The following SH3D19 variants were observed in gnomAD, a reference collection of about 807,000 sequenced individuals.
The protein encoded by SH3D19 is SH3 domain containing 19.
Under a neutral mutation model 112.1 loss-of-function variants are expected in SH3D19, and 58 were observed. The observed-to-expected ratio is 0.52, with a 90% CI of 0.42 to 0.64. The LOEUF (loss-of-function observed/expected upper bound fraction) is 0.64, where lower values mean the gene tolerates loss of function less well. SH3D19 is among the 30% of genes least tolerant of loss of function. The pLI is 0.00. For synonymous variants in SH3D19, 391 were observed against 448.5 expected, an observed-to-expected ratio of 0.87 and a Z score of 1.62; for missense variants, 1,090 against 1,263.4, an observed-to-expected ratio of 0.86 and a Z score of 2.08.
At chr4:151,181,511 G>T (rs1280770575) in intron 3 of SH3D19, among the ~76,000 whole-genome samples, 1 of 152,118 alleles carries the variant, frequency 6.6e-6, no homozygotes, top group Non-Finnish European at 1.5e-5. Flanking sequence ...TTTATCAAGA[G>T]CTAAACCAAG....
At chr4:151,314,456 T>A (rs911940660) in intron 1 of SH3D19, among the ~76,000 whole-genome samples, 1 of 152,186 alleles carries the variant, frequency 6.6e-6, no homozygotes, top group African/African-American at 2.4e-5. Context: ...ATAATTCCTA[T>A]TCCAAAGATG....
intron 10 of SH3D19, 128 bp downstream of exon 10, chr4:151,149,372 G>A (rs1754517060): frequency 3.0e-6 from 2 of 676,400 alleles, no homozygotes; most frequent in Admixed American, 2.9e-5. Flanking sequence ...AGGGGCCTGC[G>A]TGAAATCGGT....
At chr4:151,202,270 G>T (rs1417892160) in intron 2 of SH3D19, among the ~76,000 whole-genome samples, 1 of 152,206 alleles carries the variant, frequency 6.6e-6, no homozygotes, top group African/African-American at 2.4e-5. Flanking sequence ...AGGAGGCGGA[G>T]GTTGCTGTGA....
intron 1 of SH3D19, among the ~76,000 whole-genome samples, chr4:151,248,440 A>AATTTG (rs1293073467): frequency 6.6e-6 from 1 of 152,200 alleles, no homozygotes; most frequent in Admixed American, 6.6e-5. Flanking sequence ...AGATTTCTCT[A>AATTTG]ATTAGGAAGC....
chr4:151,200,867 C>T (rs1384561789), intron 2 of SH3D19, among the ~76,000 whole-genome samples: 3 of 152,200 alleles, frequency 2.0e-5, no homozygotes, highest in East Asian at 1.9e-4. Flanking sequence ...TTTTGTTTCA[C>T]GTTTATCTTA....
At chr4:151,287,107 G>C (rs576411100) in intron 1 of SH3D19, among the ~76,000 whole-genome samples, 2 of 151,366 alleles carry the variant, frequency 1.3e-5, no homozygotes, top group Non-Finnish European at 2.9e-5. Context: ...TTGGGAGGCC[G>C]AGGCAGGCAG....
intron 1 of SH3D19, chr4:151,261,245 G>GT (rs1772358020): frequency 6.6e-6 from 1 of 152,162 alleles, no homozygotes; most frequent in African/African-American, 2.4e-5. Flanking sequence ...GAAACCCACG[G>GT]TATCTCTTCT....
At chr4:151,160,980 T>G (rs1161517780) in intron 8 of SH3D19, among the ~76,000 whole-genome samples, 5 of 152,160 alleles carry the variant, frequency 3.3e-5, no homozygotes, top group Non-Finnish European at 5.9e-5. Context: ...AAGGAAATAG[T>G]TAATCATATA....
At chr4:151,321,736 A>T (rs1277346061) in intron 1 of SH3D19, among the ~76,000 whole-genome samples, 2 of 152,188 alleles carry the variant, frequency 1.3e-5, no homozygotes, top group African/African-American at 4.8e-5. Flanking sequence ...CAGCAACATA[A>T]ATGTTATCTG....
At chr4:151,297,344 C>T (rs1775778796) in intron 1 of SH3D19, among the ~76,000 whole-genome samples, 1 of 152,236 alleles carries the variant, frequency 6.6e-6, no homozygotes, top group African/African-American at 2.4e-5. Context: ...GGAATCTAGT[C>T]CTGTGGCACT....
intron 2 of SH3D19, among the ~76,000 whole-genome samples, chr4:151,194,468 C>T (rs1763113071): frequency 6.6e-6 from 1 of 151,708 alleles, no homozygotes; most frequent in African/African-American, 2.4e-5. Context: ...GTTTCAGTTT[C>T]AAGCATCCAC....
intron 1 of SH3D19, among the ~76,000 whole-genome samples, chr4:151,234,594 A>G (rs1441435609): frequency 2.0e-5 from 3 of 152,120 alleles, no homozygotes; most frequent in African/African-American, 7.2e-5. Context: ...TTGTTATAAA[A>G]TATTTTTCAG....
At chr4:151,151,668 T>C (rs934866672) in intron 9 of SH3D19, among the ~76,000 whole-genome samples, 1 of 152,220 alleles carries the variant, frequency 6.6e-6, no homozygotes, top group East Asian at 1.9e-4. Flanking sequence ...GTTAATGTAG[T>C]GAAGCAAGTA....
chr4:151,149,549 G>C lies in SH3D19; in HGVS notation c.1768C>G (p.Pro590Ala), dbSNP rs1336011114. Residue 590 changes from proline (P) to alanine (A), a missense_variant, in exon 10 of 20, where the codon CCA becomes GCA. Coordinates refer to ENST00000604030, the MANE Select transcript of SH3D19 (RefSeq NM_001378122.1). ...ERTRNLESNHPGQTGGFVRVP... is the reference protein window; with the variant it reads ...ERTRNLESNHAGQTGGFVRVP... ...CGCACAAAACCTCCTGTTTGACCTG[G>C]GTGGTTGGATTCCTGCAAGTAGCAG... 1.9e-6 allele frequency: 3 copies of C among 1,611,118 alleles called. No homozygotes were observed. The highest frequency in any genetic ancestry group is 3.4e-5 in the Admixed American group (2 of 59,656).
At chr4:151,324,558 T>C (rs1046773649) in intron 1 of SH3D19, among the ~76,000 whole-genome samples, 1 of 151,976 alleles carries the variant, frequency 6.6e-6, no homozygotes, top group Admixed American at 6.6e-5. Flanking sequence ...TCTACACTTA[T>C]TCACTCTTTC....
chr4:151,179,293 A>C, intron 4 of SH3D19, 62 bp downstream of exon 4: 1 of 957,712 alleles, frequency 1.0e-6, no homozygotes, highest in African/African-American at 1.7e-5. Flanking sequence ...TTGCTACCTG[A>C]TAACACACTT....
At chr4:151,273,092 C>T (rs1240576256) in intron 1 of SH3D19, among the ~76,000 whole-genome samples, 1 of 152,146 alleles carries the variant, frequency 6.6e-6, no homozygotes, top group Non-Finnish European at 1.5e-5. Flanking sequence ...TTTCCTTTTA[C>T]CTTCCAATTT....
chr4:151,222,617 A>T (rs4287987), intron 2 of SH3D19, among the ~76,000 whole-genome samples: 121,166 of 147,308 alleles, frequency 0.82, 51,633 homozygotes, highest in Non-Finnish European at 0.95. Context: ...TTTTTTTTTT[A>T]AATTCACATA....
At chr4:151,237,452 T>C (rs1370715812) in intron 1 of SH3D19, among the ~76,000 whole-genome samples, 1 of 152,184 alleles carries the variant, frequency 6.6e-6, no homozygotes, top group Admixed American at 6.5e-5. Flanking sequence ...GGGGTGTGCC[T>C]GCAGTGGAAA....
Sources: allele counts gnomAD v4.1 joint callset (sites outside exome capture counted in the v4.1 genomes callset), GRCh38; gene constraint gnomAD v4.1.1; transcripts MANE v1.5; gene names NCBI Gene and HGNC (gene_info 2026-07-23, HGNC 2026-07-21).